The following SHISA9 variants were observed in gnomAD, a reference collection of about 807,000 sequenced individuals.
SHISA9 encodes shisa family member 9, also known as protein shisa-9.
A neutral mutation model predicts 38.0 loss-of-function variants in SHISA9; 13 were observed. The ratio of observed to expected loss-of-function variants is 0.34; its 90% CI spans 0.22 to 0.54. The LOEUF (loss-of-function observed/expected upper bound fraction) is 0.54, where lower values mean the gene tolerates loss of function less well. Among genes scored for constraint, SHISA9 ranks in the 20% least tolerant of loss-of-function variants. The pLI is 0.91. For synonymous variants in SHISA9, 275 were observed against 242.0 expected (o/e 1.14, Z -1.27); for missense variants, 538 against 575.8 (o/e 0.93, Z 0.67).
At chr16:13,246,938 C>G in the SHISA9 span, among the ~76,000 whole-genome samples, 1 of 150,890 alleles carries the variant, frequency 6.6e-6, no homozygotes, top group Non-Finnish European at 1.5e-5. Context: ...AAAGAACTAC[C>G]CTAGACTGGA....
intron 2 of SHISA9, among the ~76,000 whole-genome samples, chr16:12,947,621 AG>A (rs762626112): frequency 1.3e-5 from 2 of 152,232 alleles, no homozygotes; most frequent in Non-Finnish European, 2.9e-5. Context: ...TCGGGACAGC[AG>A]CTCTTGAAAT....
At chr16:13,246,280 A>G in the SHISA9 span, 9 of 152,194 alleles carry the variant, frequency 5.9e-5, no homozygotes, top group African/African-American at 1.4e-4. Flanking sequence ...TGATGGTTTT[A>G]TAAGAGGAAA....
At chr16:13,383,871 T>C in the SHISA9 span, among the ~76,000 whole-genome samples, 1 of 152,058 alleles carries the variant, frequency 6.6e-6, no homozygotes, top group Non-Finnish European at 1.5e-5. Flanking sequence ...CCCAGGCTGG[T>C]CTCAAACTCC....
At chr16:12,993,633 C>T (rs2072418491) in intron 2 of SHISA9, among the ~76,000 whole-genome samples, 2 of 152,166 alleles carry the variant, frequency 1.3e-5, no homozygotes, top group Admixed American at 6.6e-5. Context: ...ATAGATTCAG[C>T]CCCTGCCTGC....
intron 2 of SHISA9, among the ~76,000 whole-genome samples, chr16:12,950,257 AT>A (rs1567349876): frequency 2.0e-5 from 3 of 152,228 alleles, no homozygotes; most frequent in Non-Finnish European, 4.4e-5. Context: ...CATTTTCTCT[AT>A]CCATTCTTTG....
At chr16:13,174,797 G>C (rs778540070) in intron 2 of SHISA9, among the ~76,000 whole-genome samples, 13 of 152,196 alleles carry the variant, frequency 8.5e-5, no homozygotes, top group African/African-American at 2.7e-4. Context: ...GTCCAAAGGA[G>C]CCAAGCTGAT....
At chr16:13,394,530 C>T in the SHISA9 span, among the ~76,000 whole-genome samples, 1 of 152,150 alleles carries the variant, frequency 6.6e-6, no homozygotes, top group African/African-American at 2.4e-5. Flanking sequence ...GAGCCAATAA[C>T]ACATTCTCTT....
chr16:13,402,932 C>T, the SHISA9 span, among the ~76,000 whole-genome samples: 1 of 152,124 alleles, frequency 6.6e-6, no homozygotes, highest in African/African-American at 2.4e-5. Flanking sequence ...TCCTGGCTAA[C>T]ACAGTCAAAC....
At chr16:13,019,960 CCTCCTTCTT>C (rs1567184302) in intron 2 of SHISA9, among the ~76,000 whole-genome samples, 52 of 75,870 alleles carry the variant, frequency 6.9e-4, no homozygotes, top group Non-Finnish European at 9.4e-4. Context: ...TCTTTCTTTC[CCTCCTTCTT>C]TCCTTCCTTC....
At chr16:13,100,455 G>A (rs1038536834) in intron 2 of SHISA9, among the ~76,000 whole-genome samples, 18 of 152,092 alleles carry the variant, frequency 1.2e-4, no homozygotes, top group African/African-American at 3.9e-4. Flanking sequence ...CATAGCCCTC[G>A]GGCTGGTGTA....
the SHISA9 span, among the ~76,000 whole-genome samples, chr16:13,382,731 G>A: frequency 6.6e-6 from 1 of 151,514 alleles, no homozygotes; most frequent in Non-Finnish European, 1.5e-5. Flanking sequence ...TGTGGCAGGC[G>A]CCTGTAATCC....
chr16:13,167,383 C>T (rs982178010), intron 2 of SHISA9, among the ~76,000 whole-genome samples: 1 of 152,132 alleles, frequency 6.6e-6, no homozygotes, highest in African/African-American at 2.4e-5. Flanking sequence ...CTTTACTCCT[C>T]TTCTCAGCCA....
the SHISA9 span, among the ~76,000 whole-genome samples, chr16:13,417,366 G>A: frequency 6.6e-6 from 1 of 151,868 alleles, no homozygotes; most frequent in South Asian, 2.1e-4. Context: ...CGTTATTTGG[G>A]ATGTTTTGAG....
At chr16:13,048,576 C>T (rs181905018) in intron 2 of SHISA9, among the ~76,000 whole-genome samples, 80 of 152,264 alleles carry the variant, frequency 5.3e-4, no homozygotes, top group African/African-American at 1.9e-3. Context: ...TGTGTACCAC[C>T]ACACCTGGCT....
At chr16:13,428,876 C>T in the SHISA9 span, among the ~76,000 whole-genome samples, 3 of 151,614 alleles carry the variant, frequency 2.0e-5, no homozygotes, top group Admixed American at 6.6e-5. Context: ...AGTGATTCTC[C>T]TGCCTCAGCC....
At chr16:13,454,030 A>C in the SHISA9 span, among the ~76,000 whole-genome samples, 1 of 152,190 alleles carries the variant, frequency 6.6e-6, no homozygotes, top group Non-Finnish European at 1.5e-5. Context: ...CCTTCTTCGA[A>C]GAGTACCAGT....
At chr16:13,381,573 G>T in the SHISA9 span, among the ~76,000 whole-genome samples, 1 of 152,198 alleles carries the variant, frequency 6.6e-6, no homozygotes, top group Admixed American at 6.5e-5. Flanking sequence ...CTATATTTGA[G>T]ATGTAAATTT....
At chr16:13,042,533 C>T (rs570746778) in intron 2 of SHISA9, among the ~76,000 whole-genome samples, 2 of 152,306 alleles carry the variant, frequency 1.3e-5, no homozygotes, top group African/African-American at 4.8e-5. Context: ...AAGCCAAGAA[C>T]AGTTGGTTTC....
rs145963741 is a variant in SHISA9, at chr16:13,227,488, G to A, written c.896-7542G>A. ...AGGAGTGAGTGGTCCCACGTGAGAT[G>A]TAAGGAAAAGGCTGAAGAACAGATC... On this transcript the variant is annotated intron_variant, in intron 4 of 4. Transcript: ENST00000558583. Among the ~76,000 whole-genome samples, 47 of 152,336 alleles carry A rather than the reference G, an allele frequency of 3.1e-4. 1 individual carries two copies. Among genetic ancestry groups the A allele is most frequent in the South Asian group, 2.3e-3 (11 of 4,826 alleles).
Sources: allele counts gnomAD v4.1 joint callset (sites outside exome capture counted in the v4.1 genomes callset), GRCh38; gene constraint gnomAD v4.1.1; transcripts MANE v1.5; gene names NCBI Gene and HGNC (gene_info 2026-07-23, HGNC 2026-07-21).